Variants in CPPED1 observed in about 807,000 individuals in gnomAD.
CPPED1 encodes the protein calcineurin like phosphoesterase domain containing 1.
A neutral mutation model predicts 28.0 loss-of-function variants in CPPED1; 28 were observed. That is an observed-to-expected ratio of 1.00 (90% CI 0.74 to 1.37). The LOEUF is 1.37. CPPED1 is among the 40% of genes most tolerant of loss of function. The pLI, the probability that CPPED1 is intolerant of heterozygous loss-of-function variation, is 0.00. For synonymous variants in CPPED1, 198 were observed against 180.2 expected (o/e 1.10, Z -0.79); for missense variants, 504 against 416.5 (o/e 1.21, Z -1.83).
chr16:12,797,625 T>G (rs1180564033), intron 1 of CPPED1, among the ~76,000 whole-genome samples: 5 of 152,198 alleles, frequency 3.3e-5, no homozygotes, highest in Admixed American at 3.3e-4. Context: ...ATTTCCAATC[T>G]TTTGGCTTTC....
chr16:12,713,753 C>T (rs1426608680), intron 2 of CPPED1, among the ~76,000 whole-genome samples: 1 of 152,044 alleles, frequency 6.6e-6, no homozygotes, highest in Non-Finnish European at 1.5e-5. Flanking sequence ...CAAAATTAGA[C>T]TTTTTCCTAA....
Position 12,734,058 on chromosome 16 carries a change from G to A in CPPED1, c.290-29009C>T, listed in dbSNP as rs200791710. Among the ~76,000 whole-genome samples the A allele has an allele frequency of 9.8e-4, 63 of 64,420 alleles. No individual in the cohort carries two copies. The Admixed American group carries it at 0.013, about 13-fold the overall frequency. 42.3% of individuals were successfully genotyped at this position (64,420 alleles called of 152,430 possible). On this transcript the variant is annotated intron_variant, in intron 2 of 3. Coordinates refer to ENST00000381774, the MANE Select transcript of CPPED1 (RefSeq NM_018340.3). ...CTTTGTCTCTGTTTTCAAATTACAC[G>A]TTTTTTTTTTTTTTTTTTTTTTTTT...
intron 2 of CPPED1, among the ~76,000 whole-genome samples, chr16:12,744,432 T>C (rs963200632): frequency 7.2e-5 from 11 of 152,156 alleles, no homozygotes; most frequent in African/African-American, 2.7e-4. Context: ...GAACACACAC[T>C]GGGTTTACCC....
At chr16:12,745,663 G>A (rs899699768) in intron 2 of CPPED1, among the ~76,000 whole-genome samples, 4 of 152,214 alleles carry the variant, frequency 2.6e-5, no homozygotes, top group Non-Finnish European at 5.9e-5. Flanking sequence ...CAGACACTGG[G>A]GTCCGCTTAA....
chr16:12,725,055 G>T (rs951152381), intron 2 of CPPED1, among the ~76,000 whole-genome samples: 1 of 151,768 alleles, frequency 6.6e-6, no homozygotes, highest in African/African-American at 2.4e-5. Flanking sequence ...CAAAGTGCTG[G>T]GATTACAGGT....
intron 2 of CPPED1, among the ~76,000 whole-genome samples, chr16:12,737,811 T>C (rs2080234428): frequency 1.3e-5 from 2 of 152,212 alleles, no homozygotes; most frequent in South Asian, 4.1e-4. Flanking sequence ...AGGGAGCGGC[T>C]GGAGGGAACA....
intron 1 of CPPED1, 95 bp downstream of exon 1, chr16:12,803,612 T>C: frequency 8.9e-7 from 1 of 1,118,854 alleles, no homozygotes; most frequent in African/African-American, 1.7e-5. Flanking sequence ...CCGGATGGTG[T>C]CCGACTGGCG....
intron 1 of CPPED1, among the ~76,000 whole-genome samples, chr16:12,794,320 C>A (rs901122739): frequency 6.6e-6 from 1 of 151,914 alleles, no homozygotes; most frequent in East Asian, 1.9e-4. Flanking sequence ...GAATTGTACA[C>A]ATTTACACTG....
chr16:12,798,073 G>C (rs1315396460), intron 1 of CPPED1, among the ~76,000 whole-genome samples: 1 of 152,026 alleles, frequency 6.6e-6, no homozygotes, highest in Non-Finnish European at 1.5e-5. Context: ...GACAGAGCAA[G>C]ACCACCTCAA....
intron 3 of CPPED1, among the ~76,000 whole-genome samples, chr16:12,667,973 T>C (rs1650999): frequency 0.74 from 113,138 of 152,102 alleles, 45,427 homozygotes; most frequent in Non-Finnish European, 0.92. Context: ...AGAAAAACCA[T>C]AGAAAGAACC....
intron 2 of CPPED1, among the ~76,000 whole-genome samples, chr16:12,767,467 A>G (rs1388821767): frequency 6.6e-6 from 1 of 152,214 alleles, no homozygotes; most frequent in Non-Finnish European, 1.5e-5. Context: ...AGCCAGGCAG[A>G]CACGTAAACT....
intron 3 of CPPED1, among the ~76,000 whole-genome samples, chr16:12,690,182 G>A (rs1235511235): frequency 6.6e-6 from 1 of 152,116 alleles, no homozygotes; most frequent in East Asian, 1.9e-4. Flanking sequence ...AGAGTCTGCG[G>A]GGGTGGGTAC....
intron 3 of CPPED1, among the ~76,000 whole-genome samples, chr16:12,680,708 G>A (rs1014348286): frequency 3.9e-5 from 6 of 152,132 alleles, no homozygotes; most frequent in East Asian, 1.9e-4. Context: ...GTTACGGAGT[G>A]CCTAAGCCAA....
At position 12,661,110 on chromosome 16, in the gene CPPED1, GT is replaced by G. The variant is rs1480951101; in HGVS notation, c.*3775del. The G allele has an allele frequency of 2.0e-5, 3 of 152,162 alleles. No individual in the cohort carries two copies. Among genetic ancestry groups the G allele is most frequent in the Non-Finnish European group, 4.4e-5 (3 of 68,036 alleles). The allele number at this position is 152,162 out of a possible 1,614,324, so 9.4% of individuals were successfully genotyped here. On this transcript the variant is annotated 3_prime_UTR_variant, in exon 4 of 4. Coordinates refer to ENST00000381774, the MANE Select transcript of CPPED1 (RefSeq NM_018340.3). ...AGCCTGGGTGATAGAGCAAGATTCT[GT>G]CTAAAAAAGGGTTCAAGTAAATGCA...
At chr16:12,712,831 G>C (rs1172492207) in intron 2 of CPPED1, among the ~76,000 whole-genome samples, 1 of 152,184 alleles carries the variant, frequency 6.6e-6, no homozygotes. Context: ...TGTCTGTGGG[G>C]AAGTGGAAGG....
intron 2 of CPPED1, chr16:12,720,329 C>T (rs2080132746): frequency 6.5e-6 from 1 of 154,366 alleles, no homozygotes; most frequent in Non-Finnish European, 1.5e-5. Context: ...GTAGCTGTAC[C>T]TGAAACCAAG....
At chr16:12,779,139 T>G (rs551523404) in intron 2 of CPPED1, among the ~76,000 whole-genome samples, 5 of 152,210 alleles carry the variant, frequency 3.3e-5, no homozygotes, top group African/African-American at 7.2e-5. Flanking sequence ...GAACATGTTA[T>G]ATAATTCCAG....
At chr16:12,756,276 G>C (rs1257583244) in intron 2 of CPPED1, among the ~76,000 whole-genome samples, 1 of 152,118 alleles carries the variant, frequency 6.6e-6, no homozygotes, top group Non-Finnish European at 1.5e-5. Flanking sequence ...TCTTAAATAA[G>C]AGTCTCAAAC....
intron 3 of CPPED1, among the ~76,000 whole-genome samples, chr16:12,691,176 A>G (rs13335977): frequency 0.056 from 8,483 of 152,300 alleles, 510 homozygotes; most frequent in African/African-American, 0.15. Context: ...TTGTCTCCCC[A>G]CGCTGCAGTT....
Sources: gnomAD v4.1 joint callset for allele counts (sites outside exome capture counted in the v4.1 genomes callset) on GRCh38, gnomAD v4.1.1 for gene constraint, MANE v1.5 for transcripts, NCBI Gene and HGNC (gene_info 2026-07-23, HGNC 2026-07-21) for gene names.